POLR2F: variants seen among roughly 807,000 people sequenced by gnomAD.
The protein encoded by POLR2F is RNA polymerase II, I and III subunit F, also known as DNA-directed RNA polymerases I, II, and III subunit RPABC2.
POLR2F carries 12 observed loss-of-function variants against 22.7 expected under a neutral mutation model. The observed-to-expected ratio is 0.53, with a 90% CI of 0.34 to 0.86. POLR2F has a LOEUF of 0.86. POLR2F is among the 40% of genes least tolerant of loss of function. POLR2F has a pLI of 0.02. For missense variants in POLR2F, 126 were observed against 171.5 expected (o/e 0.73, Z 1.48); for synonymous variants, 57 against 66.0 (o/e 0.86, Z 0.66).
downstream of POLR2F, among the ~76,000 whole-genome samples, chr22:37,969,523 C>G (rs928327611): frequency 3.9e-5 from 6 of 152,184 alleles, no homozygotes; most frequent in African/African-American, 1.4e-4. Context: ...CCCACTCACT[C>G]TCATGAGATG....
At chr22:37,973,920 C>T (rs750224655), downstream of POLR2F, 21 of 1,609,956 alleles carry the variant, frequency 1.3e-5, no homozygotes, top group East Asian at 1.6e-4. Flanking sequence ...CCACTGGCCA[C>T]GGCCAGGGCA....
chr22:37,991,570 A>ATTAT (rs1394088295), intron 1 of POLR2F, among the ~76,000 whole-genome samples: 1 of 152,190 alleles, frequency 6.6e-6, no homozygotes, highest in Non-Finnish European at 1.5e-5. Flanking sequence ...TATTTTTACC[A>ATTAT]CCTATTAACA....
rs1034086749 is a variant in POLR2F, at chr22:37,967,760, C to T, written c.*45C>T. ...CCTTGCCCCATGCCCAATTTTCATTCTCACTTTATATGTGTAAATAATAAA... is the reference window on the plus strand; with the variant it reads ...CCTTGCCCCATGCCCAATTTTCATTTTCACTTTATATGTGTAAATAATAAA... On this transcript the variant is annotated 3_prime_UTR_variant, in exon 5 of 5. Coordinates refer to ENST00000442738, the MANE Select transcript of POLR2F (RefSeq NM_021974.5). 1 of 1,589,898 alleles carries T rather than the reference C, an allele frequency of 6.3e-7. No homozygotes were observed. The highest frequency in any genetic ancestry group is 1.1e-5 in the South Asian group (1 of 87,272).
At chr22:38,040,120 T>G (rs2085156672) in intron 5 of POLR2F, among the ~76,000 whole-genome samples, 1 of 150,580 alleles carries the variant, frequency 6.6e-6, no homozygotes, top group South Asian at 2.1e-4. Flanking sequence ...ACAAAAAGAT[T>G]AAAAAATTAG....
intron 1 of POLR2F, chr22:38,025,449 T>C: frequency 6.1e-6 from 8 of 1,312,136 alleles, no homozygotes; most frequent in Non-Finnish European, 2.0e-6. Flanking sequence ...CACTGATTCA[T>C]ATACACACAC....
intron 5 of POLR2F, among the ~76,000 whole-genome samples, chr22:38,038,687 C>T (rs956600163): frequency 5.9e-5 from 9 of 152,046 alleles, no homozygotes; most frequent in African/African-American, 1.9e-4. Flanking sequence ...TTGGGTAATG[C>T]GCTCCCTCTT....
At chr22:37,973,469 G>T (rs775950810), downstream of POLR2F, 1 of 1,419,522 alleles carries the variant, frequency 7.0e-7, no homozygotes, top group Non-Finnish European at 9.7e-7. Flanking sequence ...GGGGCTGGGC[G>T]GGGGGTGGTG....
intron 1 of POLR2F, among the ~76,000 whole-genome samples, chr22:37,990,308 C>T (rs1179865268): frequency 6.6e-6 from 1 of 152,208 alleles, no homozygotes; most frequent in Admixed American, 6.5e-5. Context: ...CAAGGCAGCT[C>T]CCGGGGTTGG....
Position 38,001,301 on chromosome 22 carries a change from G to A in POLR2F, c.120+14989G>A, listed in dbSNP as rs73417829. Among the ~76,000 whole-genome samples, 1,331 of 152,364 alleles carry A rather than the reference G, an allele frequency of 8.7e-3. 16 individuals carry two copies. Among genetic ancestry groups the A allele is most frequent in the African/African-American group, 0.031 (1,279 of 41,594 alleles). ...CGACCGTGCCTGCTGGACACCCAGT[G>A]TGTTGTGAACAGAGATCTTTAGAGA... On this transcript the variant is annotated intron_variant, in intron 1 of 2. Transcript: ENST00000333418.
intron 1 of POLR2F, among the ~76,000 whole-genome samples, chr22:38,003,522 C>T (rs576122258): frequency 4.0e-5 from 6 of 151,734 alleles, no homozygotes; most frequent in African/African-American, 1.2e-4. Flanking sequence ...CCACTGCACC[C>T]GGCTGGGAGA....
rs2145815143 is a variant in POLR2F at position 38,016,060 on chromosome 22, T to G, written c.121-9809T>G. Reference sequence around the variant, plus strand: ...CCCACACCAGCAGTGTCAGGCCCACTGCCCTAGGCTCCTACATACTCATCC... The same window carrying G: ...CCCACACCAGCAGTGTCAGGCCCACGGCCCTAGGCTCCTACATACTCATCC... On this transcript the variant is annotated intron_variant, in intron 1 of 2. Transcript: ENST00000333418. This position sits in a 1 kb window ranked among gnomAD's most constrained non-coding sequence, Gnocchi z 4.4. Among the ~76,000 whole-genome samples, 1 of 152,278 alleles carries G rather than the reference T, an allele frequency of 6.6e-6. No individual in the cohort carries two copies. The highest frequency in any genetic ancestry group is 2.1e-4 in the South Asian group (1 of 4,824).
At position 37,955,260 on chromosome 22, in the gene POLR2F, C is replaced by G. The variant is rs1320371340; in HGVS notation, c.20+1453C>G. ...GCACATGTTGAAATGCTGATGGGGC[C>G]GGGTGCTGTGGCTTACACCTCTAAT... is the stretch of plus-strand genomic sequence containing the variant. On this transcript the variant is annotated intron_variant, in intron 1 of 4. Coordinates refer to ENST00000442738, the MANE Select transcript of POLR2F (RefSeq NM_021974.5). Among the ~76,000 whole-genome samples, 5 of 147,434 alleles carry G rather than the reference C, an allele frequency of 3.4e-5. No homozygotes were observed. In the East Asian group the frequency reaches 1.0e-3, roughly 29 times the overall value.
At chr22:38,008,255 T>C (rs2084840464) in intron 1 of POLR2F, among the ~76,000 whole-genome samples, 1 of 148,590 alleles carries the variant, frequency 6.7e-6, no homozygotes, top group Admixed American at 6.7e-5. Flanking sequence ...AACAAAAAAT[T>C]AAACATTAAA....
chr22:37,998,637 G>C (rs1011110514), intron 1 of POLR2F, among the ~76,000 whole-genome samples: 3 of 152,216 alleles, frequency 2.0e-5, no homozygotes, highest in Non-Finnish European at 4.4e-5. Flanking sequence ...CTGTGGCCCT[G>C]GGCGTGGGAT....
At chr22:38,035,768 G>A (rs1281181348) in intron 5 of POLR2F, among the ~76,000 whole-genome samples, 1 of 152,204 alleles carries the variant, frequency 6.6e-6, no homozygotes, top group Non-Finnish European at 1.5e-5. Context: ...GCGGGAGCGG[G>A]TGGGAGGTGC....
intron 5 of POLR2F, among the ~76,000 whole-genome samples, chr22:38,038,857 G>C (rs956815467): frequency 2.1e-5 from 3 of 141,254 alleles, no homozygotes; most frequent in Non-Finnish European, 4.6e-5. Flanking sequence ...CCCTCTCCCA[G>C]CGCCTGCACT....
upstream of POLR2F, chr22:37,983,693 A>T: frequency 6.5e-7 from 1 of 1,531,950 alleles, no homozygotes; most frequent in Non-Finnish European, 8.7e-7. This position sits in a 1 kb window ranked among gnomAD's most constrained non-coding sequence, Gnocchi z 9.5. Context: ...GTCGGGCCCT[A>T]GCGAGGGCGC....
downstream of POLR2F, chr22:37,972,088 AG>A (rs796675204): frequency 3.3e-3 from 808 of 243,354 alleles, 19 homozygotes; most frequent in African/African-American, 0.031. Context: ...GGAGAGGGGG[AG>A]GGGGGAGAGA....
downstream of POLR2F, chr22:37,973,213 A>T: frequency 2.5e-6 from 1 of 405,196 alleles, no homozygotes; most frequent in Non-Finnish European, 4.4e-6. Context: ...ATAGAGGGTC[A>T]TTCCTGGGGG....
Sources: allele counts gnomAD v4.1 joint callset (sites outside exome capture counted in the v4.1 genomes callset), GRCh38; gene constraint gnomAD v4.1.1; non-coding constraint Gnocchi (gnomAD v3.1); transcripts MANE v1.5; gene names NCBI Gene and HGNC (gene_info 2026-07-23, HGNC 2026-07-21).